Variants in KPNA5 observed in about 807,000 individuals in gnomAD.
KPNA5 encodes karyopherin subunit alpha 5, also known as importin subunit alpha-6.
A neutral mutation model predicts 71.3 loss-of-function variants in KPNA5; 46 were observed. The observed-to-expected ratio is 0.65, with a 90% CI of 0.51 to 0.83. The LOEUF (loss-of-function observed/expected upper bound fraction) is 0.83, where lower values mean the gene tolerates loss of function less well. Among genes scored for constraint, KPNA5 ranks in the 40% least tolerant of loss-of-function variants. The pLI, the probability that KPNA5 is intolerant of heterozygous loss-of-function variation, is 0.00. For missense variants in KPNA5, 547 were observed against 628.3 expected, an observed-to-expected ratio of 0.87 and a Z score of 1.38; for synonymous variants, 207 against 201.4, an observed-to-expected ratio of 1.03 and a Z score of -0.24.
chr6:116,687,863 T>C (rs1487224443), intron 1 of KPNA5, among the ~76,000 whole-genome samples: 1 of 152,222 alleles, frequency 6.6e-6, no homozygotes, highest in Non-Finnish European at 1.5e-5. Flanking sequence ...CCTATCTCTC[T>C]CTCTGAACTA....
intron 8 of KPNA5, among the ~76,000 whole-genome samples, chr6:116,721,903 A>G (rs533541725): frequency 1.3e-5 from 2 of 152,242 alleles, no homozygotes; most frequent in East Asian, 1.9e-4. Context: ...ATATTTTACT[A>G]TTTTTTAAAA....
intron 12 of KPNA5, 100 bp downstream of exon 12, chr6:116,726,722 AAGTC>A: frequency 9.5e-7 from 1 of 1,054,480 alleles, no homozygotes; most frequent in Non-Finnish European, 1.3e-6. Context: ...TATTATTTCT[AAGTC>A]AGTTTGATAA....
At position 116,741,276 on chromosome 6, in the gene KPNA5, T is replaced by C. The variant is rs1282736123; in HGVS notation, c.*8953T>C. 1 of 152,176 alleles carries C rather than the reference T, an allele frequency of 6.6e-6. No individual in the cohort carries two copies. Among genetic ancestry groups the C allele is most frequent in the Non-Finnish European group, 1.5e-5 (1 of 68,020 alleles). 9.4% of individuals were successfully genotyped at this position (152,176 alleles called of 1,614,324 possible). A position where few individuals can be genotyped will look rare whatever the true frequency, so the allele number is the denominator to read the frequency against. ...CCCAAGATGATTGGTGGATTTTGAA[T>C]TTTCCATATAGTTCTGACGATTTTT... On this transcript the variant is annotated 3_prime_UTR_variant, in exon 14 of 14. Coordinates refer to ENST00000368564, the MANE Select transcript of KPNA5 (RefSeq NM_001366306.2).
In KPNA5 at chr6:116,736,623, T is replaced by C. The variant is rs913888205; in HGVS notation, c.*4300T>C. The C allele has an allele frequency of 1.3e-5, 2 of 151,946 alleles. No individual in the cohort carries two copies. Among genetic ancestry groups the C allele is most frequent in the African/African-American group, 4.8e-5 (2 of 41,420 alleles). 9.4% of individuals were successfully genotyped at this position (151,946 alleles called of 1,614,324 possible). A position where few individuals can be genotyped will look rare whatever the true frequency, so the allele number is the denominator to read the frequency against. On this transcript the variant is annotated 3_prime_UTR_variant, in exon 14 of 14. Transcript: ENST00000368564. ...TGTTCTTGGAGTTAGCTGAGCTTCC[T>C]AGGATCCATGGATTTATAGTTTTCA...
At chr6:116,685,014 G>A (rs536398189) in intron 1 of KPNA5, among the ~76,000 whole-genome samples, 5 of 152,254 alleles carry the variant, frequency 3.3e-5, no homozygotes, top group African/African-American at 9.6e-5. Flanking sequence ...CGTATTATCC[G>A]TCAGTTCTAC....
chr6:116,686,542 T>C (rs1777596755), intron 1 of KPNA5, among the ~76,000 whole-genome samples: 1 of 152,220 alleles, frequency 6.6e-6, no homozygotes. Context: ...GTGCAGGAGC[T>C]CTTAAGTTTA....
At chr6:116,697,454 A>ATTAG (rs1444660453) in intron 4 of KPNA5, among the ~76,000 whole-genome samples, 3 of 152,076 alleles carry the variant, frequency 2.0e-5, no homozygotes, top group Admixed American at 6.6e-5. Flanking sequence ...TCTGTTTCTA[A>ATTAG]GTAAATCTTT....
At chr6:116,685,602 A>G (rs1323697653) in intron 1 of KPNA5, among the ~76,000 whole-genome samples, 3 of 152,150 alleles carry the variant, frequency 2.0e-5, no homozygotes, top group Non-Finnish European at 2.9e-5. Flanking sequence ...TCATGTTCCC[A>G]CAGAAGACAT....
chr6:116,689,431 G>GA lies in KPNA5; in HGVS notation c.120dup (p.Gln41ThrfsTer19). 6.3e-7 allele frequency: 1 copy of GA among 1,584,666 alleles called. No homozygotes were observed. ...AGAGAAGAAGAAGGAATACAGCTTA[G>GA]AAAACAAAAAAGAGAAGAACAGGTA... On this transcript the variant is annotated frameshift_variant, in exon 2 of 14. Coordinates refer to ENST00000368564, the MANE Select transcript of KPNA5 (RefSeq NM_001366306.2). LOFTEE classifies it high-confidence loss of function.
intron 1 of KPNA5, among the ~76,000 whole-genome samples, chr6:116,685,508 G>A (rs1164513677): frequency 2.6e-5 from 4 of 152,198 alleles, no homozygotes; most frequent in African/African-American, 9.6e-5. Flanking sequence ...TCCTCATTTA[G>A]CTCCCACTTA....
intron 13 of KPNA5, 62 bp from the exon 14 acceptor site, chr6:116,732,074 T>TTTTATATA (rs1463339776): frequency 0.015 from 989 of 67,608 alleles, 101 homozygotes; most frequent in African/African-American, 0.023. Flanking sequence ...AACAGTTTGT[T>TTTTATATA]TATATATATA....
chr6:116,726,061 A>AGTGTGTGTGTGT (rs58131077), intron 11 of KPNA5, among the ~76,000 whole-genome samples, 185 bp downstream of exon 11: 25,429 of 150,544 alleles, frequency 0.17, 2,186 homozygotes, highest in East Asian at 0.28. Context: ...AAGAACATCA[A>AGTGTGTGTGTGT]GTGTGTGTGT....
At chr6:116,692,432 A>AT (rs777407486) in intron 4 of KPNA5, 40 bp downstream of exon 4, 1 of 1,214,406 alleles carries the variant, frequency 8.2e-7, no homozygotes, top group Non-Finnish European at 1.2e-6. Flanking sequence ...ATATTACACG[A>AT]TTTTTTAGTA....
At chr6:116,710,157 G>A (rs1475707477) in intron 7 of KPNA5, among the ~76,000 whole-genome samples, 2 of 151,986 alleles carry the variant, frequency 1.3e-5, no homozygotes, top group Non-Finnish European at 2.9e-5. Flanking sequence ...TATTAATATG[G>A]TTTATTATTT....
chr6:116,738,321 T>C lies in KPNA5; in HGVS notation c.*5998T>C, dbSNP rs1583457251. On this transcript the variant is annotated 3_prime_UTR_variant, in exon 14 of 14. Transcript: ENST00000368564. ...ACCAGGAAGAAGTTGAATCTCTGAA[T>C]AGACCAATAACAGGATCTGAAATTG... 6.6e-6 allele frequency: 1 copy of C among 152,292 alleles called. No individual in the cohort carries two copies. The highest frequency in any genetic ancestry group is 1.5e-5 in the Non-Finnish European group (1 of 68,044). The allele number at this position is 152,292 out of a possible 1,614,324, so 9.4% of individuals were successfully genotyped here. A position where few individuals can be genotyped will look rare whatever the true frequency, so the allele number is the denominator to read the frequency against.
intron 1 of KPNA5, among the ~76,000 whole-genome samples, chr6:116,687,824 C>T (rs1777649079): frequency 6.6e-6 from 1 of 152,138 alleles, no homozygotes; most frequent in African/African-American, 2.4e-5. Flanking sequence ...ATTGTAGTAA[C>T]TTGTTTAGTT....
At chr6:116,696,404 A>T (rs72962005) in intron 4 of KPNA5, among the ~76,000 whole-genome samples, 3,506 of 152,250 alleles carry the variant, frequency 0.023, 68 homozygotes, top group Middle Eastern at 0.11. Flanking sequence ...AACAACAGGA[A>T]ACTTTGCCTC....
At position 116,733,277 on chromosome 6, in the gene KPNA5, AAGT is replaced by A. The variant is rs1779559286; in HGVS notation, c.*956_*958del. ...TGTATAATAGTACTAGTTTAAGTTT[AAGT>A]ACAAGTACAAGTTTAGGTACTCGAA... On this transcript the variant is annotated 3_prime_UTR_variant, in exon 14 of 14. Transcript: ENST00000368564. 1 of 104,088 alleles carries A rather than the reference AAGT, an allele frequency of 9.6e-6. No individual in the cohort carries two copies. The highest frequency in any genetic ancestry group is 3.9e-4 in the East Asian group (1 of 2,548). 6.4% of individuals were successfully genotyped at this position (104,088 alleles called of 1,614,324 possible).
intron 12 of KPNA5, among the ~76,000 whole-genome samples, chr6:116,727,094 T>TA (rs1226460260): frequency 6.6e-6 from 1 of 152,066 alleles, no homozygotes; most frequent in Non-Finnish European, 1.5e-5. Context: ...ACCTTTTTTT[T>TA]ATATTAGCTT....
Sources: allele counts gnomAD v4.1 joint callset (sites outside exome capture counted in the v4.1 genomes callset), GRCh38; gene constraint gnomAD v4.1.1; transcripts MANE v1.5; gene names NCBI Gene and HGNC (gene_info 2026-07-23, HGNC 2026-07-21).